ABLIM1: variants seen among roughly 807,000 people sequenced by gnomAD.
ABLIM1 encodes actin-binding LIM protein 1.
Under a neutral mutation model 107.0 loss-of-function variants are expected in ABLIM1, and 40 were observed. That is an observed-to-expected ratio of 0.37 (90% CI 0.29 to 0.49). The LOEUF (loss-of-function observed/expected upper bound fraction) is 0.49. ABLIM1 is among the 20% of genes least tolerant of loss of function. The pLI is 0.97. For synonymous variants in ABLIM1, 357 were observed against 357.3 expected (o/e 1.00, Z 0.01); for missense variants, 857 against 1,008.5 (o/e 0.85, Z 2.04).
intron 1 of ABLIM1, among the ~76,000 whole-genome samples, chr10:114,766,917 C>A (rs1287524183): frequency 6.6e-6 from 1 of 152,164 alleles, no homozygotes; most frequent in Non-Finnish European, 1.5e-5. Flanking sequence ...AGCCCTATGT[C>A]ACCTCTGCAT....
chr10:114,530,826 A>C (rs1159120200), intron 6 of ABLIM1, among the ~76,000 whole-genome samples: 2 of 152,136 alleles, frequency 1.3e-5, no homozygotes, highest in African/African-American at 4.8e-5. Context: ...GAGCCACCAC[A>C]CCCAGCCAGA....
intron 12 of ABLIM1, among the ~76,000 whole-genome samples, chr10:114,462,537 A>G (rs1249798043): frequency 6.6e-6 from 1 of 152,156 alleles, no homozygotes; most frequent in Non-Finnish European, 1.5e-5. Context: ...GACTGCTCTG[A>G]GAGTCGGCTC....
chr10:114,542,540 G>C (rs1045932964), intron 6 of ABLIM1, among the ~76,000 whole-genome samples: 1 of 151,382 alleles, frequency 6.6e-6, no homozygotes, highest in Non-Finnish European at 1.5e-5. Flanking sequence ...AGAAGGAGGA[G>C]GGAGAAGGGA....
intron 16 of ABLIM1, 81 bp from the exon 17 acceptor site, chr10:114,444,215 A>G (rs10160093): frequency 0.42 from 507,521 of 1,222,780 alleles, 105,291 homozygotes; most frequent in East Asian, 0.44. Flanking sequence ...GTTTCTTTGT[A>G]GCAGATCCCA....
rs1470464722 is a variant in ABLIM1, at chr10:114,629,621, C to T, written c.245-27660G>A. On this transcript the variant is annotated intron_variant, in intron 1 of 22. Coordinates refer to ENST00000533213, the MANE Select transcript of ABLIM1 (RefSeq NM_002313.7). This position sits in a 1 kb window ranked among gnomAD's most constrained non-coding sequence, Gnocchi z 4.0. Reference sequence around the variant, plus strand: ...CTGTCAACACACTGGCAATTGTGGTCTCTCATCCACTACATGGTGTGACGA... The same window carrying T: ...CTGTCAACACACTGGCAATTGTGGTTTCTCATCCACTACATGGTGTGACGA... Among the ~76,000 whole-genome samples the T allele has an allele frequency of 6.6e-6, 1 of 152,308 alleles. No homozygotes were observed. The highest frequency in any genetic ancestry group is 1.9e-4 in the East Asian group (1 of 5,180).
chr10:114,602,399 A>C (rs1031486225), intron 1 of ABLIM1, among the ~76,000 whole-genome samples: 4 of 152,196 alleles, frequency 2.6e-5, no homozygotes, highest in Non-Finnish European at 5.9e-5. Flanking sequence ...TTGTCTCACC[A>C]GTTGTATTTC....
intron 1 of ABLIM1, among the ~76,000 whole-genome samples, chr10:114,616,323 G>A (rs1034603629): frequency 6.6e-6 from 1 of 152,226 alleles, no homozygotes; most frequent in African/African-American, 2.4e-5. Context: ...TGGGTGTCCT[G>A]AGCACACATG....
chr10:114,468,420 G>C (rs868126649), intron 10 of ABLIM1, among the ~76,000 whole-genome samples: 3,567 of 151,962 alleles, frequency 0.023, 119 homozygotes, highest in African/African-American at 0.079. Flanking sequence ...GACTACAGGC[G>C]CCGCCACCAC....
intron 4 of ABLIM1, among the ~76,000 whole-genome samples, chr10:114,563,887 G>T (rs2070216105): frequency 7.0e-6 from 1 of 143,804 alleles, no homozygotes; most frequent in South Asian, 2.4e-4. Flanking sequence ...CTAGAACAAT[G>T]CCTGGAACAC....
At chr10:114,639,336 C>T (rs1416891106) in intron 1 of ABLIM1, among the ~76,000 whole-genome samples, 1 of 152,198 alleles carries the variant, frequency 6.6e-6, no homozygotes, top group African/African-American at 2.4e-5. Context: ...CATAAATAGG[C>T]ACTAATTAAG....
At chr10:114,784,377 GA>G in the ABLIM1 span, among the ~76,000 whole-genome samples, 1 of 130,682 alleles carries the variant, frequency 7.7e-6, no homozygotes, top group Non-Finnish European at 1.7e-5. Context: ...AAGAAAGAAA[GA>G]AATGGGCCGG....
intron 6 of ABLIM1, among the ~76,000 whole-genome samples, chr10:114,503,315 A>G (rs969612681): frequency 6.6e-5 from 10 of 152,042 alleles, no homozygotes; most frequent in Admixed American, 1.3e-4. Context: ...GCCAGGCATA[A>G]TGGTACATGC....
At chr10:114,776,664 A>G in the ABLIM1 span, among the ~76,000 whole-genome samples, 3 of 152,090 alleles carry the variant, frequency 2.0e-5, no homozygotes, top group Non-Finnish European at 2.9e-5. Flanking sequence ...TCCCTCTTTC[A>G]TCCAGGCTGG....
chr10:114,467,966 A>C (rs2065549052), intron 11 of ABLIM1, among the ~76,000 whole-genome samples: 1 of 152,208 alleles, frequency 6.6e-6, no homozygotes. Flanking sequence ...AAGTGAGGCC[A>C]TTTTTACTCC....
chr10:114,496,634 A>C (rs1214275624), intron 6 of ABLIM1, among the ~76,000 whole-genome samples: 1 of 152,244 alleles, frequency 6.6e-6, no homozygotes, highest in Non-Finnish European at 1.5e-5. Flanking sequence ...CACATCCTGC[A>C]CATGTACTAT....
At chr10:114,527,052 C>T (rs2064889055) in intron 6 of ABLIM1, 1 of 828,784 alleles carries the variant, frequency 1.2e-6, no homozygotes, top group African/African-American at 1.8e-5. Context: ...CATTTCTTTG[C>T]ATTCACTCAC....
At chr10:114,564,577 A>C (rs2070375554) in intron 4 of ABLIM1, among the ~76,000 whole-genome samples, 1 of 151,910 alleles carries the variant, frequency 6.6e-6, no homozygotes, top group African/African-American at 2.4e-5. Flanking sequence ...AGCATCCTAC[A>C]TAGGTTTTAC....
the ABLIM1 span, among the ~76,000 whole-genome samples, chr10:114,791,272 A>G: frequency 1.3e-4 from 20 of 152,192 alleles, no homozygotes; most frequent in Admixed American, 3.3e-4. Context: ...AATTGTTTGT[A>G]GAGACAGGGT....
rs17717158 is a variant in ABLIM1 at position 114,483,594 on chromosome 10, T to C, written c.1041+4364A>G. Among the ~76,000 whole-genome samples, 1,507 of 152,298 alleles carry C rather than the reference T, an allele frequency of 9.9e-3. 10 individuals carry two copies. Among genetic ancestry groups the C allele is most frequent in the Middle Eastern group, 0.02 (6 of 294 alleles). On this transcript the variant is annotated intron_variant, in intron 8 of 22. Coordinates refer to ENST00000533213, the MANE Select transcript of ABLIM1 (RefSeq NM_002313.7). ...GTCCAGCCCATCCGACTTCATTCTA[T>C]CAATGAGGAAACTCAGGGGGTTGAC...
Sources: allele counts gnomAD v4.1 joint callset (sites outside exome capture counted in the v4.1 genomes callset), GRCh38; gene constraint gnomAD v4.1.1; non-coding constraint Gnocchi (gnomAD v3.1); transcripts MANE v1.5; gene names NCBI Gene and HGNC (gene_info 2026-07-23, HGNC 2026-07-21).